The following CALD1 variants were observed in gnomAD, a reference collection of about 807,000 sequenced individuals.
CALD1 encodes the protein caldesmon 1.
A neutral mutation model predicts 99.9 loss-of-function variants in CALD1; 33 were observed. The observed-to-expected ratio is 0.33, with a 90% CI of 0.25 to 0.44. The LOEUF is 0.44. Among genes scored for constraint, CALD1 ranks in the 20% least tolerant of loss-of-function variants. The pLI is 1.00. For missense variants in CALD1, 861 were observed against 962.1 expected (o/e 0.89, Z 1.39); for synonymous variants, 310 against 325.0 (o/e 0.95, Z 0.50).
At chr7:134,857,468 A>AT (rs1218323057) in intron 2 of CALD1, among the ~76,000 whole-genome samples, 1 of 151,810 alleles carries the variant, frequency 6.6e-6, no homozygotes, top group Admixed American at 6.6e-5. Context: ...GTTTTGTGCT[A>AT]TTCTTAAGCA....
chr7:134,823,225 G>A (rs956876284), intron 1 of CALD1, among the ~76,000 whole-genome samples: 2 of 152,132 alleles, frequency 1.3e-5, no homozygotes, highest in Non-Finnish European at 2.9e-5. Flanking sequence ...CACTGAATGG[G>A]ATGAATAAAA....
chr7:134,789,363 C>A (rs1563002658), intron 1 of CALD1, among the ~76,000 whole-genome samples: 1 of 152,208 alleles, frequency 6.6e-6, no homozygotes, highest in South Asian at 2.1e-4. Flanking sequence ...TGCTATGCTG[C>A]CTCTTGCTAG....
intron 3 of CALD1, among the ~76,000 whole-genome samples, chr7:134,875,390 C>G (rs944643796): frequency 6.6e-6 from 1 of 152,202 alleles, no homozygotes; most frequent in South Asian, 2.1e-4. Flanking sequence ...AATCCCAACA[C>G]TTTGCGAGGC....
At chr7:134,891,105 T>A (rs554396152) in intron 3 of CALD1, among the ~76,000 whole-genome samples, 1 of 152,210 alleles carries the variant, frequency 6.6e-6, no homozygotes, top group African/African-American at 2.4e-5. Context: ...CTTGTCAGAA[T>A]TAGGTTGTAT....
rs373359485 is a variant in CALD1, at chr7:134,864,616, T to C, written c.-41-3077T>C. The stretch of plus-strand genomic sequence containing the variant: ...GGTTTCACCGTGTTGGCCAGGCTGG[T>C]CTCGAACTCCTGACCTCAAGTGATC... On this transcript the variant is annotated intron_variant, in intron 2 of 14. Transcript: ENST00000361675. Among the ~76,000 whole-genome samples the C allele has an allele frequency of 3.3e-5, 5 of 152,202 alleles. No individual in the cohort carries two copies. In the East Asian group the frequency reaches 9.7e-4, roughly 30 times the overall value.
At chr7:134,819,944 T>C (rs180788456) in intron 1 of CALD1, among the ~76,000 whole-genome samples, 1 of 152,258 alleles carries the variant, frequency 6.6e-6, no homozygotes, top group African/African-American at 2.4e-5. Context: ...AAGATAGCCA[T>C]GAAAATACAC....
At chr7:134,726,900 C>T in the CALD1 span, among the ~76,000 whole-genome samples, 5 of 152,188 alleles carry the variant, frequency 3.3e-5, no homozygotes, top group African/African-American at 4.8e-5. Flanking sequence ...CCTGAAGTCA[C>T]CATCACTCCA....
the CALD1 span, among the ~76,000 whole-genome samples, chr7:134,727,878 C>T: frequency 1.2e-4 from 19 of 152,154 alleles, no homozygotes; most frequent in African/African-American, 4.3e-4. Context: ...AAGCTCGGCC[C>T]AAATGAGTGG....
intron 3 of CALD1, among the ~76,000 whole-genome samples, chr7:134,907,837 G>A (rs11536603): frequency 0.27 from 41,485 of 151,902 alleles, 6,785 homozygotes; most frequent in East Asian, 0.43. Context: ...CCTTCTGGCC[G>A]CTGCCAGTGT....
chr7:134,723,012 G>C, the CALD1 span, among the ~76,000 whole-genome samples: 1 of 152,120 alleles, frequency 6.6e-6, no homozygotes, highest in Non-Finnish European at 1.5e-5. Flanking sequence ...TGATTCCAGA[G>C]GCACCAGGAT....
At chr7:134,966,574 G>A (rs1808696665) in intron 14 of CALD1, among the ~76,000 whole-genome samples, 1 of 152,112 alleles carries the variant, frequency 6.6e-6, no homozygotes, top group Admixed American at 6.5e-5. Flanking sequence ...AGAAAAATGA[G>A]GCATTGAGAG....
chr7:134,933,886 G>T lies in CALD1; in HGVS notation c.1117G>T (p.Ala373Ser), dbSNP rs764898963. ...AAGGGCAGCAGAGGAGAGGCAAAGG[G>T]CCAGGGCAGAGGAGGAAGAGAAGGC... ...EKRAAEERQR[A>S]RAEEEEKAKV... The change falls in exon 5 of 15, where the codon GCC becomes TCC. Residue 373 changes from alanine to serine, a missense_variant. Ala to Ser is a moderately conservative substitution (Grantham distance 99, BLOSUM62 1). Coordinates refer to ENST00000361675, the MANE Select transcript of CALD1 (RefSeq NM_033138.4). 2.5e-6 allele frequency: 4 copies of T among 1,613,662 alleles called. No individual in the cohort carries two copies. The highest frequency in any genetic ancestry group is 3.4e-6 in the Non-Finnish European group (4 of 1,179,800).
chr7:134,722,008 C>T, the CALD1 span, among the ~76,000 whole-genome samples: 1 of 152,152 alleles, frequency 6.6e-6, no homozygotes, highest in Non-Finnish European at 1.5e-5. Context: ...CTGACTGTAG[C>T]TTTTTCCTCT....
intron 3 of CALD1, among the ~76,000 whole-genome samples, chr7:134,908,547 G>A (rs1041459472): frequency 1.3e-5 from 2 of 152,132 alleles, no homozygotes; most frequent in African/African-American, 4.8e-5. Context: ...TTTCTCACAT[G>A]AGCTGCAGGC....
intron 1 of CALD1, among the ~76,000 whole-genome samples, chr7:134,757,493 G>A (rs1796739803): frequency 6.6e-6 from 1 of 152,180 alleles, no homozygotes; most frequent in African/African-American, 2.4e-5. Flanking sequence ...CGTTACTCAT[G>A]TAATTAGCCT....
intron 2 of CALD1, among the ~76,000 whole-genome samples, chr7:134,845,415 A>G (rs994397994): frequency 6.6e-6 from 1 of 152,210 alleles, no homozygotes; most frequent in Non-Finnish European, 1.5e-5. Context: ...CAAGACAGGT[A>G]GAAATAAGTT....
At chr7:134,957,045 T>C (rs1807829253) in intron 9 of CALD1, among the ~76,000 whole-genome samples, 1 of 152,194 alleles carries the variant, frequency 6.6e-6, no homozygotes, top group African/African-American at 2.4e-5. Flanking sequence ...ATTTTTTCTA[T>C]GTCCAACCCT....
rs369066569 is a variant in CALD1 at position 134,947,749 on chromosome 7, G to A, written c.1774G>A (p.Asp592Asn). The change falls in exon 8 of 15, where the codon GAT becomes AAT. Residue 592 changes from aspartate to asparagine, a missense_variant. Transcript: ENST00000361675. ...GCAGAGGAGGAAGCAGGAGGAAGCC[G>A]ATCGAAAACTCAGAGAGGAGGTAAG... ...EEQRRKQEEA[D>N]RKLREEEEKR... is the part of the protein sequence containing the mutation. 9 of 1,613,704 alleles carry A rather than the reference G, an allele frequency of 5.6e-6. No individual in the cohort carries two copies. The highest frequency in any genetic ancestry group is 1.7e-5 in the Admixed American group (1 of 59,964).
At position 134,902,813 on chromosome 7, in the gene CALD1, C is replaced by T. The variant is rs567281283; in HGVS notation, c.72-25941C>T. Among the ~76,000 whole-genome samples the T allele has an allele frequency of 7.5e-4, 114 of 152,226 alleles. 1 individual carries two copies. Among genetic ancestry groups the T allele is most frequent in the African/African-American group, 2.7e-3 (112 of 41,494 alleles). ...ATTAACAAAGTAGAATCCTTCAATCCTTAAACTGACTACTGTATTACTTTC... is the reference window on the plus strand; with the variant it reads ...ATTAACAAAGTAGAATCCTTCAATCTTTAAACTGACTACTGTATTACTTTC... On this transcript the variant is annotated intron_variant, in intron 3 of 14. Coordinates refer to ENST00000361675, the MANE Select transcript of CALD1 (RefSeq NM_033138.4).
Sources: gnomAD v4.1 joint callset for allele counts (sites outside exome capture counted in the v4.1 genomes callset) on GRCh38, gnomAD v4.1.1 for gene constraint, MANE v1.5 for transcripts, NCBI Gene and HGNC (gene_info 2026-07-23, HGNC 2026-07-21) for gene names.